The following DLG1 variants were observed in gnomAD, a reference collection of about 807,000 sequenced individuals.
DLG1 encodes the protein discs large MAGUK scaffold protein 1, also known as disks large homolog 1.
DLG1 carries 42 observed loss-of-function variants against 123.4 expected under a neutral mutation model. The observed-to-expected ratio is 0.34, with a 90% CI of 0.27 to 0.44. The LOEUF is 0.44. DLG1 is among the 20% of genes least tolerant of loss of function. DLG1 has a pLI of 1.00. For missense variants in DLG1, 942 were observed against 1,082.6 expected, an observed-to-expected ratio of 0.87 and a Z score of 1.82; for synonymous variants, 317 against 356.2, an observed-to-expected ratio of 0.89 and a Z score of 1.24.
intron 4 of DLG1, among the ~76,000 whole-genome samples, chr3:197,223,281 C>T (rs1224312065): frequency 6.6e-6 from 1 of 152,160 alleles, no homozygotes; most frequent in Non-Finnish European, 1.5e-5. Flanking sequence ...TTTGCTGATA[C>T]TGCTCCAATT....
chr3:197,294,657 C>CAAAAA (rs71926647), intron 3 of DLG1, among the ~76,000 whole-genome samples: 5 of 79,090 alleles, frequency 6.3e-5, no homozygotes, highest in African/African-American at 2.0e-4. Flanking sequence ...GACTCTGCCT[C>CAAAAA]AAAAAAAAAA....
chr3:197,295,320 G>C (rs755497135), intron 3 of DLG1, among the ~76,000 whole-genome samples: 4 of 152,076 alleles, frequency 2.6e-5, no homozygotes, highest in African/African-American at 9.7e-5. Context: ...GTACCTGACA[G>C]GACACACTGA....
intron 11 of DLG1, among the ~76,000 whole-genome samples, chr3:197,123,323 A>G (rs1215770355): frequency 1.3e-5 from 2 of 152,226 alleles, no homozygotes; most frequent in East Asian, 3.8e-4. Flanking sequence ...GTTTTGAGGG[A>G]AAACATAAAC....
intron 13 of DLG1, among the ~76,000 whole-genome samples, chr3:197,113,958 C>CTGTACTCCA (rs1303132262): frequency 1.3e-5 from 2 of 152,014 alleles, no homozygotes; most frequent in Non-Finnish European, 2.9e-5. Flanking sequence ...TGAATAGCCA[C>CTGTACTCCA]TGTACTCCAG....
intron 16 of DLG1, among the ~76,000 whole-genome samples, chr3:197,084,677 T>C (rs1050727617): frequency 6.6e-6 from 1 of 152,038 alleles, no homozygotes; most frequent in African/African-American, 2.4e-5. Context: ...TGAAACACAA[T>C]ATAAAAAACT....
intron 4 of DLG1, among the ~76,000 whole-genome samples, chr3:197,211,476 C>G (rs1171846007): frequency 1.4e-5 from 2 of 146,654 alleles, no homozygotes; most frequent in Non-Finnish European, 3.1e-5. Flanking sequence ...GGATGCAAGG[C>G]TGGTTCAATA....
At chr3:197,161,240 A>T (rs1188218647) in intron 5 of DLG1, among the ~76,000 whole-genome samples, 2 of 152,198 alleles carry the variant, frequency 1.3e-5, no homozygotes, top group African/African-American at 4.8e-5. Flanking sequence ...CAAAGAAGAT[A>T]AATATATAAC....
intron 3 of DLG1, among the ~76,000 whole-genome samples, chr3:197,288,774 A>ACATACATACATACATACAT (rs1560172746): frequency 6.7e-6 from 1 of 149,888 alleles, no homozygotes; most frequent in Non-Finnish European, 1.5e-5. Flanking sequence ...ATACATACAT[A>ACATACATACATACATACAT]AAATGGTAGA....
At chr3:197,243,958 G>C (rs1380485273) in intron 4 of DLG1, among the ~76,000 whole-genome samples, 2 of 152,162 alleles carry the variant, frequency 1.3e-5, no homozygotes, top group Non-Finnish European at 2.9e-5. Context: ...CAGAGTGAAA[G>C]GGATATCCAA....
intron 4 of DLG1, among the ~76,000 whole-genome samples, chr3:197,245,824 C>A (rs577198843): frequency 2.8e-5 from 4 of 143,736 alleles, no homozygotes; most frequent in African/African-American, 1.0e-4. Context: ...GCTCTTTGGT[C>A]TGCGAGGTTA....
chr3:197,149,909 T>C (rs927063438), intron 5 of DLG1, 113 bp from the exon 6 acceptor site: 3 of 680,870 alleles, frequency 4.4e-6, no homozygotes, highest in Middle Eastern at 2.6e-4. Context: ...TAATCTTATA[T>C]GAGCTTTTTA....
At chr3:197,080,011 C>A (rs1749851941) in intron 17 of DLG1, among the ~76,000 whole-genome samples, 2 of 151,462 alleles carry the variant, frequency 1.3e-5, no homozygotes, top group African/African-American at 2.4e-5. Context: ...TTAAAAAAAA[C>A]CCCAAACATA....
At chr3:197,288,755 C>CATACATAT (rs1553827520) in intron 3 of DLG1, among the ~76,000 whole-genome samples, 1 of 102,560 alleles carries the variant, frequency 9.8e-6, no homozygotes, top group African/African-American at 2.9e-5. Flanking sequence ...TACATACATA[C>CATACATAT]ATACATACAT....
chr3:197,220,127 T>C (rs1365538869), intron 4 of DLG1, among the ~76,000 whole-genome samples: 2 of 152,216 alleles, frequency 1.3e-5, no homozygotes, highest in Non-Finnish European at 2.9e-5. Context: ...ACGGGCAGAT[T>C]TCCTTTGTTT....
At chr3:197,199,279 A>G (rs1275196119) in intron 4 of DLG1, among the ~76,000 whole-genome samples, 1 of 152,220 alleles carries the variant, frequency 6.6e-6, no homozygotes, top group Non-Finnish European at 1.5e-5. Flanking sequence ...TAGGTTGAGC[A>G]TCCCTAATCT....
chr3:197,135,125 T>C (rs1001075486), intron 10 of DLG1, among the ~76,000 whole-genome samples: 1 of 152,228 alleles, frequency 6.6e-6, no homozygotes, highest in Non-Finnish European at 1.5e-5. Flanking sequence ...TCCTCATTTT[T>C]ACTCACTCTA....
At chr3:197,183,547 A>C in intron 5 of DLG1, 1 of 1,538,586 alleles carries the variant, frequency 6.5e-7, no homozygotes. Flanking sequence ...AAATAGATTG[A>C]AAATAATTTC....
At position 197,273,589 on chromosome 3, in the gene DLG1, C is replaced by G. The variant is rs145078937; in HGVS notation, c.318+9090G>C. On this transcript the variant is annotated intron_variant, in intron 4 of 24. Transcript: ENST00000667157. ...TCCTAAAACTCCACTCAAATTAAAG[C>G]AGATGGCTTATTTTAAAATATTAAA... is the stretch of plus-strand genomic sequence containing the variant. Among the ~76,000 whole-genome samples the G allele has an allele frequency of 1.7e-3, 259 of 152,068 alleles. 7 individuals are homozygous for G. The East Asian group carries it at 0.029, about 17-fold the overall frequency.
rs1736928234 is a variant in DLG1, at chr3:197,063,052, TAG to T, written c.2373+2222_2373+2223del. Among the ~76,000 whole-genome samples, 5 of 152,102 alleles carry T rather than the reference TAG, an allele frequency of 3.3e-5. No homozygotes were observed. The South Asian group carries it at 1.0e-3, about 32-fold the overall frequency. Reference sequence around the variant, plus strand: ...CACTCCACCCAACAAACCTACTAATTAGAGTTTTATTTTGTTTACAGATCTGT... The same window carrying T: ...CACTCCACCCAACAAACCTACTAATTAGTTTTATTTTGTTTACAGATCTGT... On this transcript the variant is annotated intron_variant, in intron 22 of 24. Coordinates refer to ENST00000667157, the MANE Select transcript of DLG1 (RefSeq NM_001366207.1).
Sources: allele counts gnomAD v4.1 joint callset (sites outside exome capture counted in the v4.1 genomes callset), GRCh38; gene constraint gnomAD v4.1.1; transcripts MANE v1.5; gene names NCBI Gene and HGNC (gene_info 2026-07-23, HGNC 2026-07-21).